ANOS1: variants seen among roughly 807,000 people sequenced by gnomAD.
ANOS1 encodes anosmin 1.
ANOS1 carries 6 observed loss-of-function variants against 59.0 expected under a neutral mutation model. That is an observed-to-expected ratio of 0.10 (90% CI 0.06 to 0.20). The LOEUF (loss-of-function observed/expected upper bound fraction) is 0.20, where lower values mean the gene tolerates loss of function less well. ANOS1 is among the 10% of genes least tolerant of loss of function. The pLI is 1.00. For missense variants in ANOS1, 433 were observed against 542.3 expected (o/e 0.80, Z 2.00); for synonymous variants, 217 against 223.4 (o/e 0.97, Z 0.25).
chrX:8,651,610 G>A (rs762928942), intron 2 of ANOS1, among the ~76,000 whole-genome samples: 2 of 112,015 alleles, frequency 1.8e-5, no homozygotes, highest in African/African-American at 3.3e-5. Flanking sequence ...GTGAAATCAA[G>A]AAACGATTTC....
chrX:8,628,404 T>C (rs901016708), intron 2 of ANOS1, among the ~76,000 whole-genome samples: 7 of 111,945 alleles, frequency 6.3e-5, no homozygotes, highest in Non-Finnish European at 1.1e-4. Flanking sequence ...CACCCTTTTA[T>C]TCCTTTACTT....
At position 8,728,063 on chromosome X, in the gene ANOS1, G is replaced by A. The variant is rs143590972; in HGVS notation, c.207+3767C>T. On this transcript the variant is annotated intron_variant, in intron 1 of 13. Coordinates refer to ENST00000262648, the MANE Select transcript of ANOS1 (RefSeq NM_000216.4). ...TTTTTTTCTTGCTAAGAGGCCCCAC[G>A]TTTTTATTTTGCACCAGGGCCTGAA... Among the ~76,000 whole-genome samples the A allele has an allele frequency of 3.4e-3, 385 of 111,970 alleles. 1 individual carries two copies. The highest frequency in any genetic ancestry group is 0.012 in the African/African-American group (357 of 30,823).
At chrX:8,575,609 CATTAT>C (rs1930306754) in intron 6 of ANOS1, among the ~76,000 whole-genome samples, 1 of 84,127 alleles carries the variant, frequency 1.2e-5, no homozygotes, top group Admixed American at 1.6e-4. Flanking sequence ...TTTTATGAAA[CATTAT>C]GAAACATGAA....
At position 8,693,185 on chromosome X, in the gene ANOS1, T is replaced by A. The variant is rs1425198567; in HGVS notation, c.255+6513A>T. ...GTAAGAATAAGCATTTCCTCTGAGC[T>A]GGAGGCTGTCTTTGGCTGGATATAT... On this transcript the variant is annotated intron_variant, in intron 2 of 13. Transcript: ENST00000262648. Among the ~76,000 whole-genome samples the A allele has an allele frequency of 2.7e-5, 3 of 112,570 alleles. No homozygotes were observed. The East Asian group carries it at 8.4e-4, about 31-fold the overall frequency.
intron 3 of ANOS1, among the ~76,000 whole-genome samples, chrX:8,613,214 CT>C (rs57906399): frequency 3.9e-4 from 40 of 103,301 alleles, no homozygotes; most frequent in Admixed American, 5.2e-4. Flanking sequence ...CTTGTTCCTT[CT>C]TTTTTTTTTT....
chrX:8,684,039 T>C lies in ANOS1; in HGVS notation c.255+15659A>G, dbSNP rs185380720. Among the ~76,000 whole-genome samples the C allele has an allele frequency of 3.0e-4, 34 of 112,043 alleles. 1 individual carries two copies. In the East Asian group the frequency reaches 6.8e-3, roughly 22 times the overall value. ...TGTACTTATTCTATCTGAGCTCATG[T>C]CTGCTTATAACATGGCCATTACCAA... On this transcript the variant is annotated intron_variant, in intron 2 of 13. Transcript: ENST00000262648.
At chrX:8,558,385 T>G (rs1203031265) in intron 8 of ANOS1, among the ~76,000 whole-genome samples, 19 of 106,516 alleles carry the variant, frequency 1.8e-4, no homozygotes, top group South Asian at 4.1e-4. Flanking sequence ...TAACTGTCTG[T>G]TTTTTTTTTA....
intron 1 of ANOS1, among the ~76,000 whole-genome samples, chrX:8,712,973 C>A (rs1226088763): frequency 9.0e-6 from 1 of 111,107 alleles, no homozygotes; most frequent in Non-Finnish European, 1.9e-5. Context: ...TTACTAATGA[C>A]CCATTCTCTC....
chrX:8,576,361 C>A (rs771206462), intron 6 of ANOS1, among the ~76,000 whole-genome samples: 1 of 110,271 alleles, frequency 9.1e-6, no homozygotes, highest in African/African-American at 3.3e-5. Context: ...TGTATTCATT[C>A]GGCTGAATTA....
At chrX:8,654,484 CAA>C (rs1407022644) in intron 2 of ANOS1, among the ~76,000 whole-genome samples, 2 of 112,355 alleles carry the variant, frequency 1.8e-5, no homozygotes, top group African/African-American at 3.2e-5. Context: ...TAAAATAAAA[CAA>C]AAGTCTTTTT....
chrX:8,634,961 G>T (rs1186559641), intron 2 of ANOS1, among the ~76,000 whole-genome samples: 2 of 111,303 alleles, frequency 1.8e-5, no homozygotes, highest in Non-Finnish European at 3.8e-5. Flanking sequence ...AATCTTTTAG[G>T]CTCTGTAAAG....
At position 8,530,858 on chromosome X, in the gene ANOS1, A is replaced by G. The variant is rs1929487474; in HGVS notation, c.*2137T>C. 9.0e-6 allele frequency: 1 copy of G among 111,275 alleles called. No individual in the cohort carries two copies. Among genetic ancestry groups the G allele is most frequent in the Non-Finnish European group, 1.9e-5 (1 of 53,059 alleles). 9.2% of individuals were successfully genotyped at this position (111,275 alleles called of 1,213,427 possible). ...CATGTAAAAGATAAATGGATAGCTA[A>G]TAATGAAAAATTTTAATTTTTGAAA... is the stretch of plus-strand genomic sequence containing the variant. On this transcript the variant is annotated 3_prime_UTR_variant, in exon 14 of 14. Transcript: ENST00000262648.
At chrX:8,712,869 C>T (rs1286579930) in intron 1 of ANOS1, among the ~76,000 whole-genome samples, 3 of 112,129 alleles carry the variant, frequency 2.7e-5, no homozygotes, top group South Asian at 7.5e-4. Context: ...CACAATTCTC[C>T]CCAGGTGTAA....
chrX:8,693,083 T>C (rs1932630284), intron 2 of ANOS1, among the ~76,000 whole-genome samples: 1 of 112,503 alleles, frequency 8.9e-6, no homozygotes, highest in Non-Finnish European at 1.9e-5. Context: ...TGCCCATGAA[T>C]TTGAATTTCC....
rs187108958 is a variant in ANOS1, at chrX:8,531,941, G to A, written c.*1054C>T. 2.1e-4 allele frequency: 24 copies of A among 111,763 alleles called. No individual in the cohort carries two copies. Among genetic ancestry groups the A allele is most frequent in the Non-Finnish European group, 4.0e-4 (21 of 53,155 alleles). 9.2% of individuals were successfully genotyped at this position (111,763 alleles called of 1,213,427 possible). A position where few individuals can be genotyped will look rare whatever the true frequency, so the allele number is the denominator to read the frequency against. The stretch of plus-strand genomic sequence containing the variant: ...TTGTAGCATAAAACATTTCCAAAAA[G>A]TAAGATATACTAGATTTGAAAGCAT... On this transcript the variant is annotated 3_prime_UTR_variant, in exon 14 of 14. Coordinates refer to ENST00000262648, the MANE Select transcript of ANOS1 (RefSeq NM_000216.4).
At chrX:8,572,277 C>T (rs1056946735) in intron 6 of ANOS1, among the ~76,000 whole-genome samples, 40 of 110,727 alleles carry the variant, frequency 3.6e-4, no homozygotes, top group African/African-American at 1.2e-3. Flanking sequence ...CTTCCTGATG[C>T]TCTACCTCCC....
chrX:8,732,081 A>T lies in ANOS1; in HGVS notation c.-45T>A. The T allele has an allele frequency of 1.1e-6, 1 of 875,533 alleles. No homozygotes were observed. Among genetic ancestry groups the T allele is most frequent in the Non-Finnish European group, 1.4e-6 (1 of 706,282 alleles). 72.2% of individuals were successfully genotyped at this position (875,533 alleles called of 1,213,427 possible). On this transcript the variant is annotated 5_prime_UTR_variant, in exon 1 of 14. Coordinates refer to ENST00000262648, the MANE Select transcript of ANOS1 (RefSeq NM_000216.4). ...GGGCGAGGGCGCCGGGCGCGGGCCG[A>T]GGCTCCCTGCTCCGCGCCGGGGCTG...
In ANOS1 at chrX:8,530,551, A is replaced by C. The variant is rs1160786264; in HGVS notation, c.*2444T>G. On this transcript the variant is annotated 3_prime_UTR_variant, in exon 14 of 14. Transcript: ENST00000262648. ...ATAGCATTTTTCTTCCAATAACACCAATAAAATTTAAATTATTTATTTATA... is the reference window on the plus strand; with the variant it reads ...ATAGCATTTTTCTTCCAATAACACCCATAAAATTTAAATTATTTATTTATA... 1.8e-5 allele frequency: 2 copies of C among 110,524 alleles called. No homozygotes were observed. Among genetic ancestry groups the C allele is most frequent in the African/African-American group, 6.5e-5 (2 of 30,598 alleles). 9.1% of individuals were successfully genotyped at this position (110,524 alleles called of 1,213,427 possible). A position where few individuals can be genotyped will look rare whatever the true frequency, so the allele number is the denominator to read the frequency against.
chrX:8,650,198 C>T (rs912469002), intron 2 of ANOS1, among the ~76,000 whole-genome samples: 1 of 112,478 alleles, frequency 8.9e-6, no homozygotes, highest in Non-Finnish European at 1.9e-5. Context: ...TGTCCCTGAG[C>T]TTTGCTAAAC....
Sources: gnomAD v4.1 joint callset for allele counts (sites outside exome capture counted in the v4.1 genomes callset) on GRCh38, gnomAD v4.1.1 for gene constraint, MANE v1.5 for transcripts, NCBI Gene and HGNC (gene_info 2026-07-23, HGNC 2026-07-21) for gene names.